ZDHHC15: variants seen among roughly 807,000 people sequenced by gnomAD.
ZDHHC15 encodes the protein zDHHC palmitoyltransferase 15, also known as palmitoyltransferase ZDHHC15.
Under a neutral mutation model 31.7 loss-of-function variants are expected in ZDHHC15, and 19 were observed. That is an observed-to-expected ratio of 0.60 (90% CI 0.42 to 0.88). ZDHHC15 has a LOEUF of 0.88. Ranked by LOEUF, ZDHHC15 falls within the 40% of genes least tolerant of loss-of-function variation. ZDHHC15 has a pLI of 0.00. For synonymous variants in ZDHHC15, 103 were observed against 90.0 expected (o/e 1.14, Z -0.82); for missense variants, 209 against 251.2 (o/e 0.83, Z 1.14).
chrX:75,452,915 C>T (rs183628877), intron 3 of ZDHHC15, among the ~76,000 whole-genome samples: 2 of 110,366 alleles, frequency 1.8e-5, no homozygotes, highest in East Asian at 5.7e-4. Context: ...CACTTAAATG[C>T]CCACAAGAGA....
intron 4 of ZDHHC15, among the ~76,000 whole-genome samples, chrX:75,437,048 A>AT: frequency 9.1e-6 from 1 of 109,845 alleles, no homozygotes; most frequent in Admixed American, 9.6e-5. Flanking sequence ...TGCCCGGCTA[A>AT]TTTTTTGTGT....
intron 2 of ZDHHC15, among the ~76,000 whole-genome samples, chrX:75,485,078 T>C (rs2084755473): frequency 9.0e-6 from 1 of 111,293 alleles, no homozygotes; most frequent in Non-Finnish European, 1.9e-5. Context: ...TTCTTGTGAA[T>C]GGGGTAAAGG....
chrX:75,391,036 A>G (rs2083236726), intron 10 of ZDHHC15, among the ~76,000 whole-genome samples: 1 of 112,055 alleles, frequency 8.9e-6, no homozygotes, highest in Non-Finnish European at 1.9e-5. Context: ...AATAATTAAA[A>G]GGAACCAAGC....
At chrX:75,444,687 T>TACACACGC (rs1556013725) in intron 4 of ZDHHC15, among the ~76,000 whole-genome samples, 5 of 29,496 alleles carry the variant, frequency 1.7e-4, no homozygotes, top group African/African-American at 7.8e-4. Flanking sequence ...TATATATATA[T>TACACACGC]ACACACACAC....
At chrX:75,473,801 C>T (rs1323374974) in intron 3 of ZDHHC15, among the ~76,000 whole-genome samples, 4 of 111,816 alleles carry the variant, frequency 3.6e-5, no homozygotes, top group African/African-American at 9.7e-5. Context: ...TGTATACACT[C>T]GTACTAAGAA....
At chrX:75,411,842 C>G (rs2083488852) in intron 10 of ZDHHC15, among the ~76,000 whole-genome samples, 1 of 111,735 alleles carries the variant, frequency 8.9e-6, no homozygotes, top group South Asian at 3.7e-4. Context: ...ATGCAACTTA[C>G]AGAATGAGAC....
chrX:75,495,698 G>A (rs182214829), intron 2 of ZDHHC15, among the ~76,000 whole-genome samples: 3 of 102,642 alleles, frequency 2.9e-5, no homozygotes, highest in Admixed American at 1.1e-4. Flanking sequence ...ACCAAATACC[G>A]CATGTTCTCA....
At chrX:75,513,221 G>T (rs1315948952) in intron 1 of ZDHHC15, among the ~76,000 whole-genome samples, 1 of 111,597 alleles carries the variant, frequency 9.0e-6, no homozygotes, top group East Asian at 2.8e-4. Flanking sequence ...TCAGGACATA[G>T]GCGTGGGCAA....
chrX:75,433,683 GTGTGTGTGTGTGTGTATATATA>G (rs1266114657), intron 4 of ZDHHC15, among the ~76,000 whole-genome samples: 1 of 11,706 alleles, frequency 8.5e-5, no homozygotes, highest in African/African-American at 1.0e-4. Flanking sequence ...GTGTGTGTGT[GTGTGTGTGTGTGTGTATATATA>G]TATATATATA....
Position 75,430,507 on chromosome X carries a change from G to A in ZDHHC15, c.450-527C>T, listed in dbSNP as rs994016850. Among the ~76,000 whole-genome samples, 5 of 111,521 alleles carry A rather than the reference G, an allele frequency of 4.5e-5. No individual in the cohort carries two copies. In the East Asian group the frequency reaches 1.4e-3, roughly 31 times the overall value. ...AAATGAATATTTATGCTTTCATACT[G>A]ATATAAATAAATGATTGAATAAATA... On this transcript the variant is annotated intron_variant, in intron 5 of 11. Transcript: ENST00000373367.
At chrX:75,519,508 C>A (rs1237362469) in intron 1 of ZDHHC15, among the ~76,000 whole-genome samples, 1 of 111,346 alleles carries the variant, frequency 9.0e-6, no homozygotes, top group Non-Finnish European at 1.9e-5. Flanking sequence ...GTTACTTGCC[C>A]CAGGTCTCCA....
At chrX:75,415,878 C>T (rs1157294623) in intron 10 of ZDHHC15, among the ~76,000 whole-genome samples, 1 of 112,018 alleles carries the variant, frequency 8.9e-6, no homozygotes, top group Non-Finnish European at 1.9e-5. Flanking sequence ...CTATGAATAG[C>T]TTTTTTCATT....
In ZDHHC15 at chrX:75,444,752, C is replaced by T. The variant is rs1199367352; in HGVS notation, c.379+6050G>A. 3.2e-5 allele frequency among the ~76,000 whole-genome samples: 3 copies of T among 95,142 alleles called. No homozygotes were observed. The Admixed American group carries it at 3.6e-4, about 11-fold the overall frequency. The allele number at this position is 95,142 out of a possible 115,157, so 82.6% of individuals were successfully genotyped here. A position where few individuals can be genotyped will look rare whatever the true frequency, so the allele number is the denominator to read the frequency against. Reference sequence around the variant, plus strand: ...GGTATTTATTAAAATACCATGTGTACTACTGCAGACTGGAAATGGTAATGT... The same window carrying T: ...GGTATTTATTAAAATACCATGTGTATTACTGCAGACTGGAAATGGTAATGT... On this transcript the variant is annotated intron_variant, in intron 4 of 11. Coordinates refer to ENST00000373367, the MANE Select transcript of ZDHHC15 (RefSeq NM_144969.3).
intron 3 of ZDHHC15, among the ~76,000 whole-genome samples, chrX:75,467,189 C>G (rs2084420280): frequency 8.9e-6 from 1 of 112,501 alleles, no homozygotes; most frequent in Admixed American, 9.4e-5. Flanking sequence ...CCAGTTAAGA[C>G]AAAATTATAA....
chrX:75,496,789 C>T (rs764281270), intron 2 of ZDHHC15, among the ~76,000 whole-genome samples: 3 of 111,170 alleles, frequency 2.7e-5, no homozygotes, highest in South Asian at 3.8e-4. Flanking sequence ...AAAAATTGTT[C>T]GGACTGAATA....
intron 10 of ZDHHC15, among the ~76,000 whole-genome samples, chrX:75,412,823 G>C (rs951531738): frequency 8.9e-6 from 1 of 111,791 alleles, no homozygotes; most frequent in Non-Finnish European, 1.9e-5. Context: ...GCCAGACACA[G>C]AAAGAAAAAT....
At chrX:75,464,408 C>A (rs1300076822) in intron 3 of ZDHHC15, among the ~76,000 whole-genome samples, 1 of 110,482 alleles carries the variant, frequency 9.1e-6, no homozygotes, top group Non-Finnish European at 1.9e-5. Context: ...ACGTTGTGCA[C>A]ATGTACCCTA....
intron 4 of ZDHHC15, among the ~76,000 whole-genome samples, chrX:75,432,657 A>G (rs1170233249): frequency 1.8e-5 from 2 of 111,381 alleles, no homozygotes; most frequent in African/African-American, 6.5e-5. Flanking sequence ...AAGACCTACT[A>G]TACAGAGTAG....
At chrX:75,464,041 T>C (rs2084364196) in intron 3 of ZDHHC15, among the ~76,000 whole-genome samples, 1 of 111,794 alleles carries the variant, frequency 8.9e-6, no homozygotes, top group South Asian at 3.7e-4. Flanking sequence ...AACCCAAATG[T>C]CCAACAATGA....
Sources: gnomAD v4.1 joint callset for allele counts (sites outside exome capture counted in the v4.1 genomes callset) on GRCh38, gnomAD v4.1.1 for gene constraint, MANE v1.5 for transcripts, NCBI Gene and HGNC (gene_info 2026-07-23, HGNC 2026-07-21) for gene names.